Variants in CHRNA7 observed in about 807,000 individuals in gnomAD.
The protein encoded by CHRNA7 is cholinergic receptor nicotinic alpha 7 subunit, also known as neuronal acetylcholine receptor subunit alpha-7.
Under a neutral mutation model 48.0 loss-of-function variants are expected in CHRNA7, and 17 were observed. That is an observed-to-expected ratio of 0.35 (90% CI 0.24 to 0.53). The LOEUF is 0.53. Among genes scored for constraint, CHRNA7 ranks in the 20% least tolerant of loss-of-function variants. CHRNA7 has a pLI of 0.92. For missense variants in CHRNA7, 155 were observed against 577.7 expected (o/e 0.27, Z 7.50); for synonymous variants, 75 against 242.3 (o/e 0.31, Z 6.41).
chr15:32,122,726 T>C (rs1298238928), intron 4 of CHRNA7, among the ~76,000 whole-genome samples: 1 of 152,144 alleles, frequency 6.6e-6, no homozygotes, highest in Admixed American at 6.5e-5. Flanking sequence ...TACATCTTTC[T>C]CCCCATGGCA....
intron 2 of CHRNA7, among the ~76,000 whole-genome samples, chr15:32,094,495 A>G (rs903350002): frequency 6.6e-6 from 1 of 152,216 alleles, no homozygotes; most frequent in Non-Finnish European, 1.5e-5. Flanking sequence ...AAAACCAACC[A>G]GTAATTATGT....
intron 2 of CHRNA7, among the ~76,000 whole-genome samples, chr15:32,038,379 T>C (rs2049389073): frequency 6.7e-6 from 1 of 148,180 alleles, no homozygotes; most frequent in South Asian, 2.1e-4. Context: ...ATTGTTTTCA[T>C]CTATTGATAT....
intron 2 of CHRNA7, among the ~76,000 whole-genome samples, chr15:32,082,877 G>GT (rs1246802593): frequency 9.2e-5 from 14 of 152,120 alleles, no homozygotes; most frequent in Admixed American, 9.2e-4. Context: ...GCTCATGCCT[G>GT]TAATACCAAC....
chr15:32,120,969 C>T (rs115015817), intron 4 of CHRNA7, among the ~76,000 whole-genome samples: 1,755 of 152,164 alleles, frequency 0.012, 26 homozygotes, highest in African/African-American at 0.04. Flanking sequence ...GCCGCCACCC[C>T]GCCCCTTCCC....
intron 2 of CHRNA7, among the ~76,000 whole-genome samples, chr15:32,070,032 T>A (rs2050028972): frequency 6.6e-6 from 1 of 152,220 alleles, no homozygotes; most frequent in South Asian, 2.1e-4. Flanking sequence ...TTAATAGATG[T>A]CTATTTAGAA....
intron 2 of CHRNA7, among the ~76,000 whole-genome samples, chr15:32,071,860 G>A (rs1283708262): frequency 6.6e-6 from 1 of 151,218 alleles, no homozygotes; most frequent in East Asian, 1.9e-4. Flanking sequence ...TCAGTCTCAG[G>A]TATTCCTTTA....
At chr15:32,114,049 T>TAC (rs1566848901) in intron 4 of CHRNA7, among the ~76,000 whole-genome samples, 2 of 54,634 alleles carry the variant, frequency 3.7e-5, no homozygotes, top group South Asian at 1.2e-3. Flanking sequence ...TATATGTATA[T>TAC]ATATATATAT....
At chr15:32,065,905 A>C (rs1351677725) in intron 2 of CHRNA7, among the ~76,000 whole-genome samples, 1 of 151,670 alleles carries the variant, frequency 6.6e-6, no homozygotes, top group Non-Finnish European at 1.5e-5. Flanking sequence ...AGCACACAAC[A>C]CAGCCCACTG....
intron 3 of CHRNA7, 97 bp from the exon 4 acceptor site, chr15:32,111,693 G>T: frequency 1.5e-6 from 1 of 683,132 alleles, no homozygotes; most frequent in African/African-American, 1.8e-5. Context: ...ATAAATGTCT[G>T]GAATTCTCTT....
intron 3 of CHRNA7, among the ~76,000 whole-genome samples, chr15:32,103,950 T>C (rs1421890420): frequency 6.6e-6 from 1 of 152,180 alleles, no homozygotes; most frequent in African/African-American, 2.4e-5. Context: ...GCATCAACCA[T>C]GATGCTTTCA....
intron 4 of CHRNA7, among the ~76,000 whole-genome samples, chr15:32,137,996 G>A (rs111613413): frequency 1.3e-5 from 2 of 151,822 alleles, no homozygotes; most frequent in African/African-American, 4.8e-5. Context: ...TATCTTTTTT[G>A]GGAAAATGTG....
intron 2 of CHRNA7, among the ~76,000 whole-genome samples, chr15:32,045,184 A>G (rs1407529362): frequency 6.6e-6 from 1 of 151,972 alleles, no homozygotes; most frequent in South Asian, 2.1e-4. Context: ...TGATAATTCC[A>G]TTCTTAAGAC....
rs2050169903 is a variant in CHRNA7, at chr15:32,078,637, G to C, written c.196-22666G>C. ...TAGACCAATGACAAGTTCTGAAATT[G>C]AGGCAGTAATAAAAGCCTACCAACC... On this transcript the variant is annotated intron_variant, in intron 2 of 9. Transcript: ENST00000306901. 2.7e-5 allele frequency among the ~76,000 whole-genome samples: 4 copies of C among 145,854 alleles called. No individual in the cohort carries two copies. In the Admixed American group the frequency reaches 2.8e-4, roughly 10 times the overall value.
At chr15:32,142,015 A>C (rs1301831331) in intron 4 of CHRNA7, among the ~76,000 whole-genome samples, 1 of 152,142 alleles carries the variant, frequency 6.6e-6, no homozygotes, top group African/African-American at 2.4e-5. Flanking sequence ...AAAGGGAATG[A>C]TTCCAGTTTT....
rs765926058 is a variant in CHRNA7 at position 32,083,889 on chromosome 15, C to G, written c.196-17414C>G. Among the ~76,000 whole-genome samples, 5 of 152,152 alleles carry G rather than the reference C, an allele frequency of 3.3e-5. No individual in the cohort carries two copies. The South Asian group carries it at 6.2e-4, about 19-fold the overall frequency. On this transcript the variant is annotated intron_variant, in intron 2 of 9. Transcript: ENST00000306901. ...TGTAGTGGCCTCATGTCAGGAGTCA[C>G]TTCATTCTCCTTTTCAGAAGAAGAA...
chr15:32,031,051 G>A lies in CHRNA7; in HGVS notation c.195+14G>A. 1 of 1,613,924 alleles carries A rather than the reference G, an allele frequency of 6.2e-7. No homozygotes were observed. Among genetic ancestry groups the A allele is most frequent in the Non-Finnish European group, 8.5e-7 (1 of 1,179,916 alleles). ...ATCATGGACGTGGTGAGTCCCGCCT[G>A]GCTACAGGGCTGCCCTCTCCCCTTC... On this transcript the variant is annotated intron_variant, in intron 2 of 9. Coordinates refer to ENST00000306901, the MANE Select transcript of CHRNA7 (RefSeq NM_000746.6).
intron 2 of CHRNA7, among the ~76,000 whole-genome samples, chr15:32,051,513 T>C (rs951746637): frequency 6.6e-6 from 1 of 152,156 alleles, no homozygotes; most frequent in African/African-American, 2.4e-5. Context: ...AAGCGCAGTA[T>C]TGGGGTGGGA....
chr15:32,151,742 G>A (rs950117811), intron 4 of CHRNA7, among the ~76,000 whole-genome samples: 1 of 152,060 alleles, frequency 6.6e-6, no homozygotes, highest in Non-Finnish European at 1.5e-5. Flanking sequence ...ATGTTGTGAG[G>A]ACATTACTTT....
At chr15:32,037,179 A>G (rs1902132768) in intron 2 of CHRNA7, among the ~76,000 whole-genome samples, 1 of 152,180 alleles carries the variant, frequency 6.6e-6, no homozygotes, top group African/African-American at 2.4e-5. Flanking sequence ...CCATTTGTTG[A>G]AAAGATGATC....
Sources: allele counts gnomAD v4.1 joint callset (sites outside exome capture counted in the v4.1 genomes callset), GRCh38; gene constraint gnomAD v4.1.1; transcripts MANE v1.5; gene names NCBI Gene and HGNC (gene_info 2026-07-23, HGNC 2026-07-21).